The following WHRN variants were observed in gnomAD, a reference collection of about 807,000 sequenced individuals.
WHRN encodes the protein CASK-interacting protein CIP98.
A neutral mutation model predicts 68.3 loss-of-function variants in WHRN; 41 were observed. That is an observed-to-expected ratio of 0.60 (90% confidence interval 0.47 to 0.78). The LOEUF is 0.78. WHRN is among the 30% of genes least tolerant of loss of function. The pLI is 0.00. For synonymous variants in WHRN, 560 were observed against 561.3 expected (o/e 1.00, Z 0.03); for missense variants, 1,243 against 1,244.7 (o/e 1.00, Z 0.02).
Position 114,406,412 on chromosome 9 carries a change from G to A in WHRN, c.2179C>T (p.His727Tyr), listed in dbSNP as rs927509916. 6.2e-7 allele frequency: 1 copy of A among 1,614,042 alleles called. No individual in the cohort carries two copies. ...TNQHFVMVEV[H>Y]RPDSEPDVNE... ...ACGTCTGGCTCGCTGTCGGGGCGGT[G>A]GACCTCCACCATGACAAAGTGCTGG... The change falls in exon 9 of 12, where the codon CAC becomes TAC. Residue 727 changes from histidine to tyrosine, a missense_variant. His to Tyr is a moderately conservative substitution (Grantham distance 83). Transcript: ENST00000362057.
In WHRN at chr9:114,464,805, A is replaced by T. The variant is rs531093661; in HGVS notation, c.963+1462T>A. Among the ~76,000 whole-genome samples the T allele has an allele frequency of 2.8e-5, 4 of 144,444 alleles. No individual in the cohort carries two copies. The South Asian group carries it at 9.4e-4, about 34-fold the overall frequency. The allele number at this position is 144,444 out of a possible 152,430, so 94.8% of individuals were successfully genotyped here. A position where few individuals can be genotyped will look rare whatever the true frequency, so the allele number is the denominator to read the frequency against. On this transcript the variant is annotated intron_variant, in intron 3 of 11. Coordinates refer to ENST00000362057, the MANE Select transcript of WHRN (RefSeq NM_015404.4). Reference sequence around the variant, plus strand: ...AGGGGAGATATGGTAGATGTTAATGATTATGTCCATAATGATGATGATGAT... The same window carrying T: ...AGGGGAGATATGGTAGATGTTAATGTTTATGTCCATAATGATGATGATGAT...
intron 3 of WHRN, among the ~76,000 whole-genome samples, chr9:114,429,841 G>C (rs1160948653): frequency 2.0e-5 from 3 of 152,188 alleles, no homozygotes; most frequent in African/African-American, 7.2e-5. Flanking sequence ...GCCTTACTGA[G>C]AGTGGAGGAG....
intron 2 of WHRN, among the ~76,000 whole-genome samples, chr9:114,471,127 G>A (rs1049451488): frequency 1.3e-5 from 2 of 152,044 alleles, no homozygotes; most frequent in African/African-American, 2.4e-5. Flanking sequence ...GGCATGAATC[G>A]GAATTCATCT....
intron 3 of WHRN, among the ~76,000 whole-genome samples, chr9:114,451,648 G>A (rs529963107): frequency 6.6e-6 from 1 of 152,206 alleles, no homozygotes; most frequent in South Asian, 2.1e-4. Context: ...CTGCCTACAG[G>A]GGAAGGCCCT....
At chr9:114,451,759 G>T (rs1839358796) in intron 3 of WHRN, among the ~76,000 whole-genome samples, 1 of 152,224 alleles carries the variant, frequency 6.6e-6, no homozygotes, top group Non-Finnish European at 1.5e-5. Flanking sequence ...GAAGGTATGA[G>T]GAGAGGGAAG....
At chr9:114,414,563 G>A (rs1196971990) in intron 7 of WHRN, among the ~76,000 whole-genome samples, 1 of 152,174 alleles carries the variant, frequency 6.6e-6, no homozygotes, top group African/African-American at 2.4e-5. Flanking sequence ...GCTGGGGCCA[G>A]CCCATGTTCA....
Position 114,504,792 on chromosome 9 carries a change from G to A in WHRN, c.10C>T (p.Pro4Ser). The A allele has an allele frequency of 1.4e-6, 2 of 1,452,840 alleles. No individual in the cohort carries two copies. The highest frequency in any genetic ancestry group is 1.8e-6 in the Non-Finnish European group (2 of 1,116,268). The allele number at this position is 1,452,840 out of a possible 1,614,324, so 90.0% of individuals were successfully genotyped here. MNA[P>S]LDGLSVSSSS... ...GAGCTCACCGACAGGCCGTCCAGCG[G>A]CGCGTTCATCTCCACGCCGAGGCCC... is the stretch of plus-strand genomic sequence containing the variant. The change falls in exon 1 of 12, where the codon CCG becomes TCG. Residue 4 changes from proline to serine, a missense_variant. Coordinates refer to ENST00000362057, the MANE Select transcript of WHRN (RefSeq NM_015404.4).
chr9:114,451,676 C>G (rs771264570), intron 3 of WHRN, among the ~76,000 whole-genome samples: 2 of 151,988 alleles, frequency 1.3e-5, no homozygotes, highest in Non-Finnish European at 2.9e-5. Context: ...GTCCCTCCCC[C>G]AGTCTGCCTG....
rs531826221 is a variant in WHRN at position 114,406,221 on chromosome 9, A to G, written c.2236+134T>C. Reference sequence around the variant, plus strand: ...GCCGGGATTCAAACTGGGGTCTCCAACTCCCTTCGCCACTCTGGCCCTGAG... The same window carrying G: ...GCCGGGATTCAAACTGGGGTCTCCAGCTCCCTTCGCCACTCTGGCCCTGAG... On this transcript the variant is annotated intron_variant, in intron 9 of 11. Coordinates refer to ENST00000362057, the MANE Select transcript of WHRN (RefSeq NM_015404.4). 1.4e-4 allele frequency: 178 copies of G among 1,271,910 alleles called. No homozygotes were observed. The Middle Eastern group carries it at 2.0e-3, about 15-fold the overall frequency. The allele number at this position is 1,271,910 out of a possible 1,614,324, so 78.8% of individuals were successfully genotyped here.
Position 114,504,417 on chromosome 9 carries a change from C to A in WHRN, c.385G>T (p.Gly129Cys). 6.2e-7 allele frequency: 1 copy of A among 1,606,066 alleles called. No homozygotes were observed. Among genetic ancestry groups the A allele is most frequent in the Non-Finnish European group, 8.5e-7 (1 of 1,179,362 alleles). Residue 129 changes from glycine (G) to cysteine (C), a missense_variant, in exon 1 of 12, where the codon GGC becomes TGC. By Grantham distance (159) the Gly-to-Cys change is radical (BLOSUM62 -3). Coordinates refer to ENST00000362057, the MANE Select transcript of WHRN (RefSeq NM_015404.4). ...TCCCCTGGCCCCGCGCTGTCGGGGCCGCCCCAGGCGGGCTGCCTGTAGGGG... is the reference window on the plus strand; with the variant it reads ...TCCCCTGGCCCCGCGCTGTCGGGGCAGCCCCAGGCGGGCTGCCTGTAGGGG... ...TTPYRQPAWG[G>C]PDSAGPGEVR...
At chr9:114,442,957 C>CA (rs1228504934) in intron 3 of WHRN, among the ~76,000 whole-genome samples, 6 of 151,146 alleles carry the variant, frequency 4.0e-5, no homozygotes, top group East Asian at 1.9e-4. Flanking sequence ...CAAAACAAAA[C>CA]AAAAAAAAAC....
chr9:114,403,715 TG>T (rs1366217463), intron 10 of WHRN, among the ~76,000 whole-genome samples, 180 bp downstream of exon 10: 1 of 152,226 alleles, frequency 6.6e-6, no homozygotes. Context: ...GAGCTGAAAC[TG>T]GGCCTCCAGA....
chr9:114,467,850 C>A (rs1240328216), intron 2 of WHRN, among the ~76,000 whole-genome samples: 2 of 152,146 alleles, frequency 1.3e-5, no homozygotes, highest in Non-Finnish European at 2.9e-5. Flanking sequence ...GGTAAGGGAT[C>A]CAAAGAGAGC....
intron 7 of WHRN, among the ~76,000 whole-genome samples, chr9:114,410,062 G>A (rs767603332): frequency 6.6e-6 from 1 of 151,964 alleles, no homozygotes; most frequent in Admixed American, 6.6e-5. Context: ...TGCACCTGCC[G>A]CTCTCACTCT....
At chr9:114,418,689 T>C (rs1443685037) in intron 7 of WHRN, among the ~76,000 whole-genome samples, 3 of 152,238 alleles carry the variant, frequency 2.0e-5, no homozygotes, top group African/African-American at 7.2e-5. Context: ...CCTTTGCACA[T>C]GCAGCTGCTT....
chr9:114,403,133 TG>T, intron 11 of WHRN, 83 bp downstream of exon 11: 3 of 1,594,344 alleles, frequency 1.9e-6, no homozygotes, highest in Non-Finnish European at 2.6e-6. Context: ...GTGTTACCCA[TG>T]GGAGTCGCAA....
intron 7 of WHRN, among the ~76,000 whole-genome samples, chr9:114,420,440 C>A (rs1238326164): frequency 6.6e-6 from 1 of 152,154 alleles, no homozygotes; most frequent in Non-Finnish European, 1.5e-5. Context: ...GAAACAAGCT[C>A]AGAGAAGGGA....
Position 114,403,966 on chromosome 9 carries a change from A to G in WHRN, c.2348T>C (p.Val783Ala), listed in dbSNP as rs2274159. 0.48 allele frequency: 777,368 copies of G among 1,610,410 alleles called. 191,166 individuals carry two copies. The highest frequency in any genetic ancestry group is 0.54 in the Middle Eastern group (3,281 of 6,060). The change falls in exon 10 of 12, where the codon GTG becomes GCG. Residue 783 changes from valine to alanine, a missense_variant. Coordinates refer to ENST00000362057, the MANE Select transcript of WHRN (RefSeq NM_015404.4). The stretch of plus-strand genomic sequence containing the variant: ...CTTGCTACTCCTGCTCTTGGTGGAC[A>G]CCGACTGCCTTCCTCGGCCTGGGGC... ...ASAPGRGRQS[V>A]STKSRSSKEL...
intron 1 of WHRN, among the ~76,000 whole-genome samples, chr9:114,492,294 G>C (rs551836846): frequency 3.3e-5 from 5 of 152,140 alleles, no homozygotes; most frequent in Admixed American, 2.6e-4. Flanking sequence ...ACAGCCCAAG[G>C]AATTATTAGA....
Sources: allele counts gnomAD v4.1 joint callset (sites outside exome capture counted in the v4.1 genomes callset), GRCh38; gene constraint gnomAD v4.1.1; transcripts MANE v1.5; gene names NCBI Gene and HGNC (gene_info 2026-07-23, HGNC 2026-07-21).